Variants in CCDC102B observed in about 807,000 individuals in gnomAD.
CCDC102B encodes the protein coiled-coil domain containing 102B.
In CCDC102B, 75 loss-of-function variants were observed where a neutral mutation model predicts 57.4. That is an observed-to-expected ratio of 1.31 (90% CI 1.08 to 1.58). The LOEUF is 1.58. Ranked by LOEUF, CCDC102B falls within the 40% of genes most tolerant of loss-of-function variation. CCDC102B has a pLI of 0.00. For synonymous variants in CCDC102B, 206 were observed against 201.9 expected (o/e 1.02, Z -0.17); for missense variants, 636 against 582.6 (o/e 1.09, Z -0.94).
chr18:68,716,928 AT>A (rs1439871089), intron 2 of CCDC102B, among the ~76,000 whole-genome samples: 6 of 152,072 alleles, frequency 3.9e-5, no homozygotes, highest in Non-Finnish European at 5.9e-5. Context: ...AATACAGAGA[AT>A]TAGCTGGGCG....
intron 2 of CCDC102B, among the ~76,000 whole-genome samples, chr18:68,790,152 G>C (rs893010863): frequency 1.4e-3 from 191 of 132,160 alleles, no homozygotes; most frequent in African/African-American, 3.2e-3. Flanking sequence ...AGGGGTCAGG[G>C]GTCAGGGACC....
At chr18:68,891,070 T>C (rs2040060635) in intron 5 of CCDC102B, among the ~76,000 whole-genome samples, 1 of 152,224 alleles carries the variant, frequency 6.6e-6, no homozygotes, top group African/African-American at 2.4e-5. Flanking sequence ...TAACAATTTT[T>C]TATCTGTATC....
chr18:68,981,404 C>T (rs1346819749), intron 6 of CCDC102B, among the ~76,000 whole-genome samples: 1 of 151,878 alleles, frequency 6.6e-6, no homozygotes, highest in Non-Finnish European at 1.5e-5. Context: ...AGGGACAGGA[C>T]GATGGTGTGA....
At chr18:68,816,958 T>C (rs1333419507) in intron 1 of CCDC102B, among the ~76,000 whole-genome samples, 6 of 152,220 alleles carry the variant, frequency 3.9e-5, no homozygotes, top group Admixed American at 6.5e-5. Context: ...TCACACAACA[T>C]ATTCTTGTCT....
chr18:68,830,803 G>A (rs1025686564), intron 1 of CCDC102B, among the ~76,000 whole-genome samples: 12 of 151,890 alleles, frequency 7.9e-5, no homozygotes, highest in Non-Finnish European at 1.3e-4. Context: ...CTTCATAAGA[G>A]TAGTTAAATG....
chr18:68,765,509 A>T (rs1012422755), intron 2 of CCDC102B, among the ~76,000 whole-genome samples: 2 of 152,074 alleles, frequency 1.3e-5, no homozygotes, highest in African/African-American at 4.8e-5. Context: ...GAAAGCAAGA[A>T]AGAAAGAGAA....
intron 7 of CCDC102B, among the ~76,000 whole-genome samples, chr18:69,038,775 C>A (rs561407613): frequency 6.6e-6 from 1 of 151,916 alleles, no homozygotes; most frequent in Non-Finnish European, 1.5e-5. Context: ...CACACAGACA[C>A]TCTCCCCCAA....
intron 2 of CCDC102B, among the ~76,000 whole-genome samples, chr18:68,732,147 A>AG (rs1297968460): frequency 6.6e-6 from 1 of 151,300 alleles, no homozygotes; most frequent in Non-Finnish European, 1.5e-5. Context: ...ACACTGCTTC[A>AG]GGGGGGAATC....
At chr18:68,936,403 AG>A (rs1228043581) in intron 6 of CCDC102B, among the ~76,000 whole-genome samples, 2 of 152,084 alleles carry the variant, frequency 1.3e-5, no homozygotes, top group East Asian at 3.9e-4. Flanking sequence ...CCTCTCCAGT[AG>A]TTTTGTATTT....
intron 2 of CCDC102B, among the ~76,000 whole-genome samples, chr18:68,750,957 A>T (rs180989839): frequency 1.4e-4 from 22 of 151,732 alleles, no homozygotes; most frequent in Admixed American, 1.0e-3. Context: ...ATAATAATAA[A>T]AAAAAACAAA....
At chr18:68,915,610 T>G (rs566972756) in intron 6 of CCDC102B, among the ~76,000 whole-genome samples, 150 of 152,344 alleles carry the variant, frequency 9.8e-4, no homozygotes, top group African/African-American at 3.2e-3. Flanking sequence ...TTGTAATGTT[T>G]TCTACTCTTT....
At chr18:68,968,190 C>A (rs1198342798) in intron 6 of CCDC102B, among the ~76,000 whole-genome samples, 1 of 152,112 alleles carries the variant, frequency 6.6e-6, no homozygotes, top group Non-Finnish European at 1.5e-5. Context: ...ATGATATAGC[C>A]TACTACACAT....
rs566676211 is a variant in CCDC102B at position 68,958,726 on chromosome 18, T to C, written c.1264-52208T>C. ...TCTTCTCTGATTGTGTATTTACACA[T>C]AGCCTGTCTTTAAGCTCATTAGTTC... On this transcript the variant is annotated intron_variant, in intron 6 of 7. Coordinates refer to ENST00000360242, the MANE Select transcript of CCDC102B (RefSeq NM_024781.3). 2.6e-5 allele frequency among the ~76,000 whole-genome samples: 4 copies of C among 152,306 alleles called. No individual in the cohort carries two copies. In the South Asian group the frequency reaches 8.3e-4, roughly 32 times the overall value.
At chr18:68,746,650 T>C (rs2033630780) in intron 2 of CCDC102B, among the ~76,000 whole-genome samples, 1 of 152,064 alleles carries the variant, frequency 6.6e-6, no homozygotes, top group Admixed American at 6.6e-5. Flanking sequence ...GTCTTATACC[T>C]TAGTGTTTAA....
intron 6 of CCDC102B, among the ~76,000 whole-genome samples, chr18:68,970,832 A>C (rs1437885646): frequency 6.6e-6 from 1 of 152,028 alleles, no homozygotes; most frequent in African/African-American, 2.4e-5. Context: ...TAGGTAAATA[A>C]GGTAATGCTT....
chr18:68,722,211 G>C (rs534536320), intron 2 of CCDC102B, among the ~76,000 whole-genome samples: 10 of 152,148 alleles, frequency 6.6e-5, no homozygotes, highest in African/African-American at 2.4e-4. Flanking sequence ...CTATCTTTGC[G>C]GGGATTGTTC....
At chr18:68,967,255 A>G (rs768156436) in intron 6 of CCDC102B, among the ~76,000 whole-genome samples, 19 of 152,258 alleles carry the variant, frequency 1.2e-4, no homozygotes, top group Middle Eastern at 3.4e-3. Context: ...AATGTTCACA[A>G]ATCAAACACT....
intron 1 of CCDC102B, among the ~76,000 whole-genome samples, chr18:68,814,272 A>C (rs1191286374): frequency 2.2e-5 from 3 of 137,314 alleles, no homozygotes; most frequent in South Asian, 2.2e-4. Flanking sequence ...TTTTGCAATT[A>C]ATCACTTTTT....
intron 7 of CCDC102B, among the ~76,000 whole-genome samples, chr18:69,012,036 A>G (rs1363829565): frequency 1.3e-5 from 2 of 152,128 alleles, no homozygotes; most frequent in South Asian, 2.1e-4. Flanking sequence ...TGAGGCTCAC[A>G]CACTGTCCTC....
Sources: allele counts gnomAD v4.1 joint callset (sites outside exome capture counted in the v4.1 genomes callset), GRCh38; gene constraint gnomAD v4.1.1; transcripts MANE v1.5; gene names NCBI Gene and HGNC (gene_info 2026-07-23, HGNC 2026-07-21).